Variants in PGM2 observed in about 807,000 individuals in gnomAD.
The protein encoded by PGM2 is phosphopentomutase.
PGM2 carries 57 observed loss-of-function variants against 74.6 expected under a neutral mutation model. The ratio of observed to expected loss-of-function variants is 0.76; its 90% CI spans 0.62 to 0.95. The LOEUF is 0.95. Ranked by LOEUF, PGM2 falls within the 40% of genes least tolerant of loss-of-function variation. The probability of loss-of-function intolerance (pLI) is 0.00; values close to 1 mark genes in which losing one functional copy is unlikely to be tolerated. For synonymous variants in PGM2, 273 were observed against 260.7 expected (o/e 1.05, Z -0.46); for missense variants, 706 against 741.9 (o/e 0.95, Z 0.56).
chr4:37,838,001 C>T (rs1725614021), intron 4 of PGM2, among the ~76,000 whole-genome samples: 2 of 152,074 alleles, frequency 1.3e-5, no homozygotes, highest in Admixed American at 1.3e-4. Context: ...CTACCTCAGC[C>T]TCCCAAGTAG....
At chr4:37,829,049 G>T (rs537533182) in intron 1 of PGM2, among the ~76,000 whole-genome samples, 143 of 152,262 alleles carry the variant, frequency 9.4e-4, no homozygotes, top group African/African-American at 3.3e-3. Flanking sequence ...TCATCTAAAT[G>T]GATAATGACT....
At chr4:37,830,924 T>C (rs1009511052) in intron 2 of PGM2, among the ~76,000 whole-genome samples, 2 of 152,148 alleles carry the variant, frequency 1.3e-5, no homozygotes, top group African/African-American at 4.8e-5. Context: ...CCAGGCGCGA[T>C]GGCTCACACC....
At chr4:37,837,689 G>A (rs1725604433) in intron 4 of PGM2, 76 bp downstream of exon 4, 2 of 888,860 alleles carry the variant, frequency 2.3e-6, no homozygotes, top group Non-Finnish European at 3.9e-6. Context: ...ATAGTCTTTA[G>A]GGCTATTGGG....
At chr4:37,832,170 ACTCTGAAGTGCTCATT>A (rs1725458422) in intron 2 of PGM2, among the ~76,000 whole-genome samples, 1 of 152,136 alleles carries the variant, frequency 6.6e-6, no homozygotes, top group Non-Finnish European at 1.5e-5. Flanking sequence ...TGACCCCACC[ACTCTGAAGTGCTCATT>A]CAGCCTATTC....
In PGM2 at chr4:37,832,347, G is replaced by A. The variant is rs566586698; in HGVS notation, c.249+2216G>A. Among the ~76,000 whole-genome samples, 3 of 152,302 alleles carry A rather than the reference G, an allele frequency of 2.0e-5. No individual in the cohort carries two copies. The East Asian group carries it at 5.8e-4, about 29-fold the overall frequency. ...AACCCAGGTTTCTACCCAGTCTTGG[G>A]TAGTGTTCCCTGGCAGAATGCTGAT... On this transcript the variant is annotated intron_variant, in intron 2 of 13. Transcript: ENST00000381967.
intron 13 of PGM2, 81 bp from the exon 14 acceptor site, chr4:37,861,429 C>A: frequency 1.2e-6 from 1 of 855,188 alleles, no homozygotes; most frequent in Admixed American, 1.8e-5. Flanking sequence ...TTTTCATTGT[C>A]ACTTGGTCAA....
At chr4:37,837,213 T>C (rs1393037447) in intron 3 of PGM2, among the ~76,000 whole-genome samples, 2 of 152,162 alleles carry the variant, frequency 1.3e-5, no homozygotes. Context: ...TGAGAACCAC[T>C]GAGATAGACA....
In PGM2 at chr4:37,838,043, G is replaced by A. The variant is rs901700322; in HGVS notation, c.441+430G>A. ...TTACAGGTGCCTGCCATCACTCCCA[G>A]CTAATTTTTGCATTTTTAGTAGCGA... On this transcript the variant is annotated intron_variant, in intron 4 of 13. Transcript: ENST00000381967. 2.0e-5 allele frequency among the ~76,000 whole-genome samples: 3 copies of A among 152,044 alleles called. No homozygotes were observed. The East Asian group carries it at 5.8e-4, about 29-fold the overall frequency.
At chr4:37,858,401 A>T (rs1392691723) in intron 13 of PGM2, among the ~76,000 whole-genome samples, 1 of 151,910 alleles carries the variant, frequency 6.6e-6, no homozygotes, top group Non-Finnish European at 1.5e-5. Flanking sequence ...CAATGGTGGA[A>T]TCTTAGCTCA....
chr4:37,848,492 T>C (rs564457999), intron 10 of PGM2, 30 bp from the exon 11 acceptor site: 1 of 1,600,660 alleles, frequency 6.2e-7, no homozygotes, highest in South Asian at 1.1e-5. Flanking sequence ...CAGTATTGTA[T>C]AGATGTATGT....
intron 13 of PGM2, among the ~76,000 whole-genome samples, chr4:37,857,094 A>G (rs1268972566): frequency 1.3e-5 from 2 of 152,200 alleles, no homozygotes; most frequent in African/African-American, 2.4e-5. Flanking sequence ...TTTAATACCC[A>G]GATTATTCCA....
chr4:37,845,409 C>T (rs770600933), intron 7 of PGM2, among the ~76,000 whole-genome samples: 1 of 152,202 alleles, frequency 6.6e-6, no homozygotes, highest in Non-Finnish European at 1.5e-5. Context: ...CACCGATGCT[C>T]CCATTATCTG....
intron 7 of PGM2, 41 bp downstream of exon 7, chr4:37,844,594 A>G (rs762704417): frequency 3.4e-6 from 4 of 1,163,076 alleles, no homozygotes; most frequent in Admixed American, 4.0e-5. Flanking sequence ...CTGCTTTTAT[A>G]TTCAAAACTA....
At position 37,846,986 on chromosome 4, in the gene PGM2, C is replaced by T. The variant is rs148604949; in HGVS notation, c.1063C>T (p.Leu355Phe). The change falls in exon 9 of 14, where the codon CTT becomes TTT. Residue 355 changes from leucine (L) to phenylalanine (F), a missense_variant. By Grantham distance (22) the Leu-to-Phe change is conservative (BLOSUM62 0). This residue lies in a region of PGM2 where 359 missense variants were observed against 371.1 expected (regional missense o/e 0.97). Coordinates refer to ENST00000381967, the MANE Select transcript of PGM2 (RefSeq NM_018290.4). ...GTTGGGGGCCCTCCTGGGCTGGTGG[C>T]TTTTTACATCTTGGAAAGAGAAGAA... ...NELGALLGWW[L>F]FTSWKEKNQD... is the part of the protein sequence containing the mutation. 28 of 1,613,590 alleles carry T rather than the reference C, an allele frequency of 1.7e-5. No homozygotes were observed. The African/African-American group carries it at 3.5e-4, about 20-fold the overall frequency.
chr4:37,829,964 A>G lies in PGM2; in HGVS notation c.82A>G (p.Asn28Asp), dbSNP rs775849741. ...ETAQWLRWDK[N>D]SLTLEAVKRL... Reference sequence around the variant, plus strand: ...GTGTCTATACATTTTTGTTTTTCAGAATTCCTTAACTTTGGAGGCAGTGAA... The same window carrying G: ...GTGTCTATACATTTTTGTTTTTCAGGATTCCTTAACTTTGGAGGCAGTGAA... Residue 28 changes from asparagine (N) to aspartate (D), a missense_variant and splice_region_variant, in exon 2 of 14, where the codon AAT (asparagine) becomes GAT (aspartate). By Grantham distance (23) the Asn-to-Asp change is conservative (BLOSUM62 1). This residue lies in a region of PGM2 where 332 missense variants were observed against 334.9 expected (regional missense o/e 0.99). Coordinates refer to ENST00000381967, the MANE Select transcript of PGM2 (RefSeq NM_018290.4). 1.3e-6 allele frequency: 2 copies of G among 1,576,822 alleles called. No individual in the cohort carries two copies. Among genetic ancestry groups the G allele is most frequent in the Non-Finnish European group, 8.6e-7 (1 of 1,165,500 alleles).
At position 37,844,262 on chromosome 4, in the gene PGM2, A is replaced by G. The variant is rs1161966504; in HGVS notation, c.720-102A>G. The G allele has an allele frequency of 1.5e-5, 10 of 687,196 alleles. No individual in the cohort carries two copies. In the East Asian group the frequency reaches 2.6e-4, roughly 18 times the overall value. The allele number at this position is 687,196 out of a possible 1,614,324, so 42.6% of individuals were successfully genotyped here. A position where few individuals can be genotyped will look rare whatever the true frequency, so the allele number is the denominator to read the frequency against. On this transcript the variant is annotated intron_variant, in intron 6 of 13. Transcript: ENST00000381967. ...ATACGTTTTGTTTTTCTGAAATGGA[A>G]TTAGAAAGATGTTCAGTTGTCTTGT...
intron 13 of PGM2, among the ~76,000 whole-genome samples, chr4:37,857,017 A>G (rs1711544342): frequency 6.6e-6 from 1 of 152,194 alleles, no homozygotes; most frequent in Admixed American, 6.6e-5. Flanking sequence ...CTCAATTTGA[A>G]TGCTCCATTT....
intron 6 of PGM2, 67 bp from the exon 7 acceptor site, chr4:37,844,297 C>T (rs2152178081): frequency 9.9e-7 from 1 of 1,008,480 alleles, no homozygotes; most frequent in African/African-American, 1.6e-5. Flanking sequence ...TGCATTCTTG[C>T]AAACCTTGCA....
intron 12 of PGM2, among the ~76,000 whole-genome samples, chr4:37,852,389 C>A (rs971997249): frequency 2.6e-5 from 1 of 38,044 alleles, no homozygotes; most frequent in Non-Finnish European, 8.4e-5. Flanking sequence ...GTCCAATGGC[C>A]GCCCTCCTGG....
Sources: gnomAD v4.1 joint callset for allele counts (sites outside exome capture counted in the v4.1 genomes callset) on GRCh38, gnomAD v4.1.1 for gene constraint, gnomAD v4.1.1 regional missense constraint, MANE v1.5 for transcripts, NCBI Gene and HGNC (gene_info 2026-07-23, HGNC 2026-07-21) for gene names.